BMPER: variants seen among roughly 807,000 people sequenced by gnomAD.
BMPER encodes BMP-binding endothelial regulator protein.
In BMPER, 45 loss-of-function variants were observed where a neutral mutation model predicts 87.3. That is an observed-to-expected ratio of 0.52 (90% CI 0.41 to 0.66). The LOEUF (loss-of-function observed/expected upper bound fraction) is 0.66, where lower values mean the gene tolerates loss of function less well. Among genes scored for constraint, BMPER ranks in the 30% least tolerant of loss-of-function variants. The probability of loss-of-function intolerance (pLI) is 0.00; values close to 1 mark genes in which losing one functional copy is unlikely to be tolerated. For synonymous variants in BMPER, 326 were observed against 316.2 expected, an observed-to-expected ratio of 1.03 and a Z score of -0.33; for missense variants, 784 against 867.5, an observed-to-expected ratio of 0.90 and a Z score of 1.21.
At chr7:34,059,354 G>T (rs1273102663) in intron 10 of BMPER, among the ~76,000 whole-genome samples, 1 of 152,032 alleles carries the variant, frequency 6.6e-6, no homozygotes, top group Non-Finnish European at 1.5e-5. Flanking sequence ...TCTGCCACTT[G>T]TAGCTGGATT....
chr7:33,993,670 G>A (rs1331018632), intron 6 of BMPER, among the ~76,000 whole-genome samples: 7 of 152,034 alleles, frequency 4.6e-5, no homozygotes, highest in South Asian at 2.1e-4. Context: ...GAGGAGCTGC[G>A]TTCCTTTGGA....
rs140740107 is a variant in BMPER at position 33,983,958 on chromosome 7, C to T, written c.576+9174C>T. Among the ~76,000 whole-genome samples, 17 of 152,294 alleles carry T rather than the reference C, an allele frequency of 1.1e-4. No individual in the cohort carries two copies. In the East Asian group the frequency reaches 3.3e-3, roughly 29 times the overall value. On this transcript the variant is annotated intron_variant, in intron 6 of 14. Coordinates refer to ENST00000649409, the MANE Select transcript of BMPER (RefSeq NM_001365308.1). ...ACGTCTAAGCAAGTTTAAACTCATA[C>T]CAGATTTCAGCCTTGGGCATTGAGC... is the stretch of plus-strand genomic sequence containing the variant.
At chr7:34,028,631 T>TTTTTTTTTTC (rs1787439352) in intron 6 of BMPER, among the ~76,000 whole-genome samples, 1 of 133,540 alleles carries the variant, frequency 7.5e-6, no homozygotes, top group Non-Finnish European at 1.6e-5. Context: ...TTTTTTTTTT[T>TTTTTTTTTTC]TTGTAGCATT....
At chr7:34,002,695 C>T (rs927527612) in intron 6 of BMPER, among the ~76,000 whole-genome samples, 1 of 151,712 alleles carries the variant, frequency 6.6e-6, no homozygotes, top group Non-Finnish European at 1.5e-5. Flanking sequence ...TGTTAGGCCT[C>T]TTTTAAGTGC....
At chr7:34,111,797 T>A (rs1265595100) in intron 13 of BMPER, among the ~76,000 whole-genome samples, 1 of 152,312 alleles carries the variant, frequency 6.6e-6, no homozygotes, top group Admixed American at 6.5e-5. Flanking sequence ...CACTGCAACC[T>A]CTGCCCCCCA....
intron 2 of BMPER, among the ~76,000 whole-genome samples, chr7:33,920,415 G>GT (rs1279108889): frequency 4.6e-5 from 4 of 87,512 alleles, no homozygotes; most frequent in African/African-American, 2.4e-4. Flanking sequence ...GGGAAACTCC[G>GT]TTGTGTTTTT....
In BMPER at chr7:33,967,249, C is replaced by T. The variant is rs147078125; in HGVS notation, c.402+688C>T. Among the ~76,000 whole-genome samples, 907 of 152,308 alleles carry T rather than the reference C, an allele frequency of 6.0e-3. 13 individuals carry two copies. Among genetic ancestry groups the T allele is most frequent in the African/African-American group, 0.021 (873 of 41,580 alleles). ...TAAATAATCTGCCACAAATTATGCTCATCTAATTTTGACAAAACTTAAAAT... is the reference window on the plus strand; with the variant it reads ...TAAATAATCTGCCACAAATTATGCTTATCTAATTTTGACAAAACTTAAAAT... On this transcript the variant is annotated intron_variant, in intron 4 of 14. Transcript: ENST00000649409.
chr7:33,937,300 G>A lies in BMPER; in HGVS notation c.231G>A (p.Val77=). The A allele has an allele frequency of 6.2e-7, 1 of 1,614,096 alleles. No individual in the cohort carries two copies. Among genetic ancestry groups the A allele is most frequent in the South Asian group, 1.1e-5 (1 of 91,076 alleles). ...CIMCVCLNKE[V]TCKREKCPVL... ...CTCTTTTTGTCTAGAACAAGGAAGT[G>A]ACATGTAAGAGAGAGAAGTGCCCCG... The change falls in exon 3 of 15, where the codon GTG becomes GTA. Residue 77 remains valine (V), a synonymous_variant. Coordinates refer to ENST00000649409, the MANE Select transcript of BMPER (RefSeq NM_001365308.1).
chr7:33,957,279 G>C (rs192965495), intron 3 of BMPER, among the ~76,000 whole-genome samples: 6 of 151,450 alleles, frequency 4.0e-5, no homozygotes, highest in Admixed American at 2.0e-4. Context: ...GCAATAAAAA[G>C]GAACAAACAA....
chr7:33,954,845 A>G (rs895137847), intron 3 of BMPER, among the ~76,000 whole-genome samples: 1 of 152,100 alleles, frequency 6.6e-6, no homozygotes, highest in Non-Finnish European at 1.5e-5. Flanking sequence ...TTTTCTTGAC[A>G]GATATTTGGC....
At chr7:33,974,558 A>T (rs1320812140) in intron 5 of BMPER, 144 bp from the exon 6 acceptor site, 10 of 827,534 alleles carry the variant, frequency 1.2e-5, no homozygotes, top group Admixed American at 9.7e-5. Context: ...TTTTCTTTTC[A>T]CTATGCAGCA....
rs1791292863 is a variant in BMPER at position 34,155,894 on chromosome 7, C to T, written c.*2621C>T. The stretch of plus-strand genomic sequence containing the variant: ...ATTGAATTTGATGAGAAACAAGCAC[C>T]CTCAATGAAGAACAAGCATAATTAT... On this transcript the variant is annotated 3_prime_UTR_variant, in exon 15 of 15. Transcript: ENST00000649409. 1 of 152,110 alleles carries T rather than the reference C, an allele frequency of 6.6e-6. No individual in the cohort carries two copies. Among genetic ancestry groups the T allele is most frequent in the Non-Finnish European group, 1.5e-5 (1 of 68,014 alleles). 9.4% of individuals were successfully genotyped at this position (152,110 alleles called of 1,614,324 possible). A position where few individuals can be genotyped will look rare whatever the true frequency, so the allele number is the denominator to read the frequency against.
chr7:33,933,441 GTTTT>G (rs3083764), intron 2 of BMPER, among the ~76,000 whole-genome samples: 37 of 128,402 alleles, frequency 2.9e-4, no homozygotes, highest in African/African-American at 1.0e-3. Flanking sequence ...CATTGGTTAG[GTTTT>G]TTTTTTTTTT....
intron 2 of BMPER, among the ~76,000 whole-genome samples, chr7:33,929,213 A>G (rs1410347433): frequency 3.3e-5 from 5 of 152,154 alleles, no homozygotes; most frequent in African/African-American, 9.7e-5. Flanking sequence ...AAAAAGAATA[A>G]CACTCCCAGA....
intron 3 of BMPER, among the ~76,000 whole-genome samples, chr7:33,951,487 T>C (rs1785022799): frequency 6.6e-6 from 1 of 152,178 alleles, no homozygotes; most frequent in Non-Finnish European, 1.5e-5. Context: ...ACATTTCACT[T>C]TGGACATTCT....
In BMPER at chr7:34,052,253, C is replaced by T. The variant is rs139094279; in HGVS notation, c.786+283C>T. ...TTTTCTAAAATCAGACAAATACATACGGCTGTGCCCTCTGGCTCTAATTAT... is the reference window on the plus strand; with the variant it reads ...TTTTCTAAAATCAGACAAATACATATGGCTGTGCCCTCTGGCTCTAATTAT... On this transcript the variant is annotated intron_variant, in intron 8 of 14. Transcript: ENST00000649409. 4.2e-3 allele frequency among the ~76,000 whole-genome samples: 647 copies of T among 152,276 alleles called. 6 individuals are homozygous for T. The highest frequency in any genetic ancestry group is 0.014 in the African/African-American group (589 of 41,552).
chr7:34,099,588 C>T (rs17824813), intron 13 of BMPER, among the ~76,000 whole-genome samples: 40,791 of 151,994 alleles, frequency 0.27, 5,806 homozygotes, highest in Middle Eastern at 0.33. Flanking sequence ...TTATGGATTT[C>T]GAAATGGTGG....
chr7:34,081,291 T>A (rs1789040122), intron 12 of BMPER, among the ~76,000 whole-genome samples: 1 of 152,248 alleles, frequency 6.6e-6, no homozygotes, highest in African/African-American at 2.4e-5. Flanking sequence ...AGCATTTCCT[T>A]TGAGTGTTCT....
At chr7:34,067,033 CACGATTACATA>C (rs1788611453) in intron 11 of BMPER, among the ~76,000 whole-genome samples, 1 of 152,220 alleles carries the variant, frequency 6.6e-6, no homozygotes. Flanking sequence ...AACACAAGTT[CACGATTACATA>C]ACACTGAGGC....
Sources: gnomAD v4.1 joint callset for allele counts (sites outside exome capture counted in the v4.1 genomes callset) on GRCh38, gnomAD v4.1.1 for gene constraint, MANE v1.5 for transcripts, NCBI Gene and HGNC (gene_info 2026-07-23, HGNC 2026-07-21) for gene names.